PRKACB: variants seen among roughly 807,000 people sequenced by gnomAD.
The protein encoded by PRKACB is protein kinase cAMP-activated catalytic subunit beta.
In PRKACB, 16 loss-of-function variants were observed where a neutral mutation model predicts 51.4. That is an observed-to-expected ratio of 0.31 (90% CI 0.21 to 0.47). PRKACB has a LOEUF of 0.47. Ranked by LOEUF, PRKACB falls within the 20% of genes least tolerant of loss-of-function variation. The pLI, the probability that PRKACB is intolerant of heterozygous loss-of-function variation, is 1.00. For missense variants in PRKACB, 309 were observed against 464.5 expected (o/e 0.67, Z 3.08); for synonymous variants, 147 against 154.4 (o/e 0.95, Z 0.35).
intron 1 of PRKACB, among the ~76,000 whole-genome samples, chr1:84,096,110 A>G (rs1648906939): frequency 6.6e-6 from 1 of 151,888 alleles, no homozygotes; most frequent in Non-Finnish European, 1.5e-5. Context: ...ATCAACAATT[A>G]AGATGACTTG....
chr1:84,137,318 A>G (rs980598324), intron 1 of PRKACB, among the ~76,000 whole-genome samples: 5 of 152,218 alleles, frequency 3.3e-5, no homozygotes, highest in Non-Finnish European at 7.3e-5. Context: ...ATACTTTATA[A>G]TTGCAATTAT....
At chr1:84,216,428 A>G (rs1227471990) in intron 9 of PRKACB, among the ~76,000 whole-genome samples, 1 of 152,116 alleles carries the variant, frequency 6.6e-6, no homozygotes, top group Non-Finnish European at 1.5e-5. Context: ...CCAGACCAAA[A>G]CAATGTGAAT....
chr1:84,090,782 A>G (rs890716123), intron 1 of PRKACB, among the ~76,000 whole-genome samples: 3 of 152,176 alleles, frequency 2.0e-5, no homozygotes, highest in African/African-American at 7.2e-5. Flanking sequence ...CTGTTTGTTA[A>G]GTGAGTCACT....
chr1:84,132,603 G>A (rs1181712544), intron 1 of PRKACB, among the ~76,000 whole-genome samples: 1 of 152,124 alleles, frequency 6.6e-6, no homozygotes, highest in Non-Finnish European at 1.5e-5. Context: ...AAAAAACCAT[G>A]ATTAATATGT....
At chr1:84,168,439 G>A (rs775373691) in intron 1 of PRKACB, among the ~76,000 whole-genome samples, 13 of 151,490 alleles carry the variant, frequency 8.6e-5, no homozygotes, top group Non-Finnish European at 1.3e-4. Flanking sequence ...AATCCTGGGT[G>A]AGAATCCTGG....
chr1:84,199,488 C>CT (rs1669442109), intron 7 of PRKACB, among the ~76,000 whole-genome samples: 1 of 152,080 alleles, frequency 6.6e-6, no homozygotes, highest in African/African-American at 2.4e-5. Context: ...GATCTCATTC[C>CT]TTTTTATAGC....
chr1:84,177,774 A>G (rs922489487), intron 1 of PRKACB, among the ~76,000 whole-genome samples: 2 of 151,958 alleles, frequency 1.3e-5, no homozygotes, highest in Non-Finnish European at 2.9e-5. Flanking sequence ...GAGAAAATGT[A>G]AGAATTTGCC....
chr1:84,226,452 G>A (rs1253469770), intron 9 of PRKACB, among the ~76,000 whole-genome samples: 1 of 151,912 alleles, frequency 6.6e-6, no homozygotes, highest in Non-Finnish European at 1.5e-5. Flanking sequence ...CTCCATATAG[G>A]AAGGAATTTA....
At chr1:84,211,127 TCACA>T (rs3051185) in intron 8 of PRKACB, among the ~76,000 whole-genome samples, 69,642 of 148,490 alleles carry the variant, frequency 0.47, 16,342 homozygotes, top group East Asian at 0.66. Context: ...CACTCCACTG[TCACA>T]CACACACACA....
At chr1:84,113,014 G>C (rs1650357976) in intron 1 of PRKACB, among the ~76,000 whole-genome samples, 1 of 152,018 alleles carries the variant, frequency 6.6e-6, no homozygotes, top group Non-Finnish European at 1.5e-5. Context: ...AACATAAAGA[G>C]ACTAAAAATG....
chr1:84,133,351 C>G (rs1465616133), intron 1 of PRKACB, among the ~76,000 whole-genome samples: 2 of 151,928 alleles, frequency 1.3e-5, no homozygotes, highest in Non-Finnish European at 2.9e-5. Flanking sequence ...TAAGGTTATT[C>G]ATTGCCAACA....
chr1:84,209,464 A>C (rs1572454478), intron 8 of PRKACB, among the ~76,000 whole-genome samples: 1 of 152,100 alleles, frequency 6.6e-6, no homozygotes, highest in East Asian at 1.9e-4. Flanking sequence ...TCGAGTCCTC[A>C]CTTCATATCT....
intron 9 of PRKACB, among the ~76,000 whole-genome samples, chr1:84,232,439 A>T (rs1043854199): frequency 6.6e-6 from 1 of 152,254 alleles, no homozygotes; most frequent in Admixed American, 6.5e-5. Flanking sequence ...TATTAGGTCC[A>T]CTTGGTGCAG....
chr1:84,175,095 A>C, intron 1 of PRKACB: 1 of 1,390,546 alleles, frequency 7.2e-7, no homozygotes, highest in Non-Finnish European at 9.4e-7. Flanking sequence ...TATTACCTTT[A>C]AAATTTTTTA....
At chr1:84,121,721 A>C (rs1651094565) in intron 1 of PRKACB, among the ~76,000 whole-genome samples, 3 of 152,138 alleles carry the variant, frequency 2.0e-5, no homozygotes, top group Admixed American at 2.0e-4. Flanking sequence ...GGTTGCCTGC[A>C]CTTGAGAGGT....
intron 2 of PRKACB, chr1:84,181,710 A>G: frequency 6.6e-7 from 1 of 1,523,036 alleles, no homozygotes. Flanking sequence ...GAAATGAAGC[A>G]AGACTGATTT....
At chr1:84,107,861 G>A (rs2100832401) in intron 1 of PRKACB, among the ~76,000 whole-genome samples, 1 of 152,156 alleles carries the variant, frequency 6.6e-6, no homozygotes, top group East Asian at 1.9e-4. Flanking sequence ...CAGAGAAAAG[G>A]GAGCACTTAC....
chr1:84,108,601 A>C (rs1254810624), intron 1 of PRKACB, among the ~76,000 whole-genome samples: 1 of 151,980 alleles, frequency 6.6e-6, no homozygotes, highest in African/African-American at 2.4e-5. Context: ...TATTTAATCC[A>C]CCCGAAGACC....
At chr1:84,086,847 C>T (rs1648043576) in intron 1 of PRKACB, among the ~76,000 whole-genome samples, 1 of 152,154 alleles carries the variant, frequency 6.6e-6, no homozygotes, top group African/African-American at 2.4e-5. Flanking sequence ...CTGGGGAGCC[C>T]TGGAGAGCCT....
Sources: gnomAD v4.1 joint callset for allele counts (sites outside exome capture counted in the v4.1 genomes callset) on GRCh38, gnomAD v4.1.1 for gene constraint, MANE v1.5 for transcripts, NCBI Gene and HGNC (gene_info 2026-07-23, HGNC 2026-07-21) for gene names.